Variants in KCNMB2 observed in about 807,000 individuals in gnomAD.
KCNMB2 encodes potassium calcium-activated channel subfamily M regulatory beta subunit 2.
In KCNMB2, 9 loss-of-function variants were observed where a neutral mutation model predicts 24.5. The observed-to-expected ratio is 0.37, with a 90% CI of 0.22 to 0.64. The LOEUF (loss-of-function observed/expected upper bound fraction) is 0.64, where lower values mean the gene tolerates loss of function less well. KCNMB2 is among the 30% of genes least tolerant of loss of function. KCNMB2 has a pLI of 0.63. For synonymous variants in KCNMB2, 109 were observed against 104.4 expected (o/e 1.04, Z -0.27); for missense variants, 226 against 284.3 (o/e 0.79, Z 1.47).
At chr3:178,643,820 T>C (rs1719812493) in intron 1 of KCNMB2, among the ~76,000 whole-genome samples, 1 of 152,212 alleles carries the variant, frequency 6.6e-6, no homozygotes, top group Non-Finnish European at 1.5e-5. Flanking sequence ...CATTGCCTGT[T>C]GTGATACCAC....
intron 1 of KCNMB2, among the ~76,000 whole-genome samples, chr3:178,790,410 C>T (rs1713275254): frequency 6.6e-6 from 1 of 152,098 alleles, no homozygotes; most frequent in African/African-American, 2.4e-5. Context: ...CTTTGTCTTG[C>T]AGCTTGGGTA....
intron 1 of KCNMB2, among the ~76,000 whole-genome samples, chr3:178,766,605 G>A (rs528285804): frequency 2.8e-4 from 43 of 152,058 alleles, no homozygotes; most frequent in African/African-American, 1.0e-3. Context: ...ATTTAACTTC[G>A]TGCATATTTC....
chr3:178,759,316 GATATATATATATATATATCTCCA>G (rs1711573255), intron 1 of KCNMB2, among the ~76,000 whole-genome samples: 1 of 57,886 alleles, frequency 1.7e-5, no homozygotes, highest in Non-Finnish European at 3.4e-5. Context: ...TCTCCAAGAG[GATATATATATATATATATCTCCA>G]AGAGGATATA....
intron 1 of KCNMB2, among the ~76,000 whole-genome samples, chr3:178,719,147 T>G (rs922838994): frequency 6.6e-6 from 1 of 152,232 alleles, no homozygotes; most frequent in Non-Finnish European, 1.5e-5. Flanking sequence ...CTTCTTGCAT[T>G]TTCATCAGTT....
In KCNMB2 at chr3:178,828,238, T is replaced by C. The variant is rs9831934; in HGVS notation, c.288T>C (p.Asn96=). The change falls in exon 4 of 5, where the codon AAT becomes AAC. Residue 96 remains asparagine, a synonymous_variant. Transcript: ENST00000452583. ...ATGCGTCCATCACGGAAACATTTAA[T>C]TGCTCCTTCAGCTGTGGTCCAGACT... ...LLNASITETF[N]CSFSCGPDCW... is the part of the protein sequence containing the mutation. 936,319 of 1,613,180 alleles carry C rather than the reference T, an allele frequency of 0.58. 278,716 individuals are homozygous for C. Among genetic ancestry groups the C allele is most frequent in the African/African-American group, 0.88 (66,017 of 74,968 alleles).
At chr3:178,711,314 T>C (rs1328703786) in intron 1 of KCNMB2, among the ~76,000 whole-genome samples, 3 of 152,196 alleles carry the variant, frequency 2.0e-5, no homozygotes, top group Non-Finnish European at 4.4e-5. Context: ...GTAAAAACTC[T>C]TAATATTGTG....
At chr3:178,746,656 A>G (rs1329190018) in intron 1 of KCNMB2, among the ~76,000 whole-genome samples, 1 of 152,148 alleles carries the variant, frequency 6.6e-6, no homozygotes, top group Non-Finnish European at 1.5e-5. Flanking sequence ...AATGCCTTTA[A>G]CAGCACCCAA....
intron 1 of KCNMB2, among the ~76,000 whole-genome samples, chr3:178,652,158 TTATC>T (rs1720146460): frequency 1.3e-5 from 2 of 152,168 alleles, no homozygotes. Context: ...GAGAAAATTT[TTATC>T]TATCTATCTA....
intron 1 of KCNMB2, among the ~76,000 whole-genome samples, chr3:178,642,448 C>A (rs918388445): frequency 1.3e-5 from 2 of 152,126 alleles, no homozygotes; most frequent in Non-Finnish European, 2.9e-5. Flanking sequence ...CCAGCACCAC[C>A]CTGTGCTCCC....
Position 178,812,655 on chromosome 3 carries a change from T to C in KCNMB2, c.56+5190T>C, listed in dbSNP as rs1664655817. Reference sequence around the variant, plus strand: ...TCTGGAACTGATACCCAATATCCAGTTTTTATATGGATAACCAATTGCCCC... The same window carrying C: ...TCTGGAACTGATACCCAATATCCAGCTTTTATATGGATAACCAATTGCCCC... On this transcript the variant is annotated intron_variant, in intron 2 of 4. Transcript: ENST00000452583. 2.0e-5 allele frequency among the ~76,000 whole-genome samples: 3 copies of C among 152,104 alleles called. No individual in the cohort carries two copies. The South Asian group carries it at 6.2e-4, about 32-fold the overall frequency.
intron 1 of KCNMB2, among the ~76,000 whole-genome samples, chr3:178,726,064 T>G (rs1722957966): frequency 6.6e-6 from 1 of 151,926 alleles, no homozygotes; most frequent in African/African-American, 2.4e-5. Context: ...TTTAATTTAT[T>G]TAATGTGTTT....
intron 1 of KCNMB2, among the ~76,000 whole-genome samples, chr3:178,800,944 G>T (rs998679469): frequency 2.0e-5 from 3 of 152,044 alleles, no homozygotes; most frequent in African/African-American, 2.4e-5. Flanking sequence ...AGTTCACATG[G>T]TCTCACTCAT....
At chr3:178,782,843 G>A (rs1712924664) in intron 1 of KCNMB2, among the ~76,000 whole-genome samples, 2 of 151,630 alleles carry the variant, frequency 1.3e-5, no homozygotes, top group South Asian at 2.1e-4. Context: ...TGCTTTTGGT[G>A]TTTTAGACAG....
At chr3:178,659,230 A>T (rs894201063) in intron 1 of KCNMB2, among the ~76,000 whole-genome samples, 1 of 152,258 alleles carries the variant, frequency 6.6e-6, no homozygotes, top group Non-Finnish European at 1.5e-5. Context: ...TCACAGAAGC[A>T]TTATATTATG....
chr3:178,829,524 T>C (rs1472439408), intron 4 of KCNMB2, among the ~76,000 whole-genome samples: 1 of 152,208 alleles, frequency 6.6e-6, no homozygotes, highest in Non-Finnish European at 1.5e-5. Flanking sequence ...GGCTCTGATT[T>C]TCTTTCATTT....
intron 1 of KCNMB2, among the ~76,000 whole-genome samples, chr3:178,550,117 C>T (rs1446179165): frequency 6.6e-6 from 1 of 151,898 alleles, no homozygotes; most frequent in Non-Finnish European, 1.5e-5. Flanking sequence ...CTTTGCAACC[C>T]CAAGGAGAGA....
At chr3:178,629,979 C>A (rs558874869) in intron 1 of KCNMB2, among the ~76,000 whole-genome samples, 249 of 152,264 alleles carry the variant, frequency 1.6e-3, no homozygotes, top group African/African-American at 5.9e-3. Context: ...GCCAATGTTA[C>A]CTGACACCAC....
chr3:178,735,483 C>A (rs538510056), intron 1 of KCNMB2, among the ~76,000 whole-genome samples: 1 of 152,232 alleles, frequency 6.6e-6, no homozygotes, highest in African/African-American at 2.4e-5. Context: ...TCTGAAGAGT[C>A]CTGGCTAAGG....
intron 1 of KCNMB2, among the ~76,000 whole-genome samples, chr3:178,592,087 T>C (rs1243527365): frequency 2.0e-5 from 3 of 152,162 alleles, no homozygotes; most frequent in South Asian, 4.1e-4. Flanking sequence ...AAAGAGTACT[T>C]TCCCTTCATG....
Sources: allele counts gnomAD v4.1 joint callset (sites outside exome capture counted in the v4.1 genomes callset), GRCh38; gene constraint gnomAD v4.1.1; transcripts MANE v1.5; gene names NCBI Gene and HGNC (gene_info 2026-07-23, HGNC 2026-07-21).